Variants in DAB1 observed in about 807,000 individuals in gnomAD.
DAB1 encodes the protein DAB adaptor protein 1.
Under a neutral mutation model 64.6 loss-of-function variants are expected in DAB1, and 15 were observed. The observed-to-expected ratio is 0.23, with a 90% confidence interval of 0.16 to 0.36. The LOEUF (loss-of-function observed/expected upper bound fraction) is 0.36. DAB1 is among the 10% of genes least tolerant of loss of function. DAB1 has a pLI of 1.00. For missense variants in DAB1, 596 were observed against 706.7 expected (o/e 0.84, Z 1.78); for synonymous variants, 235 against 251.9 (o/e 0.93, Z 0.64).
At chr1:57,614,403 A>G (rs1445647783) in intron 7 of DAB1, among the ~76,000 whole-genome samples, 1 of 152,218 alleles carries the variant, frequency 6.6e-6, no homozygotes, top group African/African-American at 2.4e-5. Flanking sequence ...GCTTTTAGAA[A>G]CAGAAAGTGT....
At chr1:57,960,383 G>A (rs1645488913) in intron 5 of DAB1, among the ~76,000 whole-genome samples, 1 of 151,944 alleles carries the variant, frequency 6.6e-6, no homozygotes, top group Admixed American at 6.6e-5. Flanking sequence ...ATTCCTGTAT[G>A]TGATGGACAT....
intron 4 of DAB1, among the ~76,000 whole-genome samples, chr1:58,224,536 A>G (rs997066103): frequency 6.6e-6 from 1 of 152,202 alleles, no homozygotes; most frequent in South Asian, 2.1e-4. Context: ...GCAACTATCA[A>G]TCTCTTCCAA....
At chr1:57,324,195 A>G (rs1022064215) in intron 1 of DAB1, among the ~76,000 whole-genome samples, 5 of 152,248 alleles carry the variant, frequency 3.3e-5, no homozygotes, top group African/African-American at 1.2e-4. Context: ...GGGCTCCACC[A>G]GAGCCAGGTG....
At chr1:57,404,204 T>G (rs561482839) in intron 1 of DAB1, among the ~76,000 whole-genome samples, 12 of 152,220 alleles carry the variant, frequency 7.9e-5, no homozygotes, top group African/African-American at 2.9e-4. Flanking sequence ...ATTTAGAAAC[T>G]GTTTTTAAAG....
At chr1:58,502,144 T>C (rs938786960) in intron 3 of DAB1, among the ~76,000 whole-genome samples, 3 of 152,252 alleles carry the variant, frequency 2.0e-5, no homozygotes, top group South Asian at 2.1e-4. Context: ...ATTTTTGTGA[T>C]GATATGCAAG....
rs185359515 is a variant in DAB1 at position 57,443,186 on chromosome 1, A to G, written n.626-152020T>C. Among the ~76,000 whole-genome samples, 620 of 152,304 alleles carry G rather than the reference A, an allele frequency of 4.1e-3. 3 individuals carry two copies. The highest frequency in any genetic ancestry group is 6.8e-3 in the Middle Eastern group (2 of 294). On this transcript the variant is annotated intron_variant and non_coding_transcript_variant, in intron 7 of 20. Coordinates refer to the DAB1 transcript ENST00000485760. ...TTCCATATCTGGACTTACTCCATCA[A>G]TCACAATGCTTATGCAGTTTAGGGA...
Position 57,636,114 on chromosome 1 carries a change from C to CAAA in DAB1, n.625+13475_625+13477dup, listed in dbSNP as rs879722073. The stretch of plus-strand genomic sequence containing the variant: ...ACGGTCTCAAAAAAAAAAAAAAAAA[C>CAAA]AAAAACAAAAAACTGGTGCCCTTAT... On this transcript the variant is annotated intron_variant and non_coding_transcript_variant, in intron 7 of 20. Coordinates refer to the DAB1 transcript ENST00000485760. 8.5e-4 allele frequency among the ~76,000 whole-genome samples: 106 copies of CAAA among 124,234 alleles called. 3 individuals are homozygous for CAAA. Among genetic ancestry groups the CAAA allele is most frequent in the Non-Finnish European group, 1.4e-3 (84 of 61,332 alleles). The allele number at this position is 124,234 out of a possible 152,430, so 81.5% of individuals were successfully genotyped here.
chr1:57,738,174 T>A (rs181865884), intron 6 of DAB1, among the ~76,000 whole-genome samples: 191 of 152,354 alleles, frequency 1.3e-3, no homozygotes, highest in Non-Finnish European at 1.6e-3. Context: ...AAATGACAGT[T>A]CCTTTCTTAA....
intron 4 of DAB1, among the ~76,000 whole-genome samples, chr1:58,246,287 G>T (rs1660524891): frequency 6.6e-6 from 1 of 152,226 alleles, no homozygotes; most frequent in Non-Finnish European, 1.5e-5. Context: ...GAATGGGTAA[G>T]CCCCTGCTTT....
chr1:57,820,517 C>T (rs1160657448), intron 6 of DAB1, among the ~76,000 whole-genome samples: 1 of 152,122 alleles, frequency 6.6e-6, no homozygotes, highest in East Asian at 1.9e-4. Flanking sequence ...CATGCTGGTG[C>T]CTAACTCTAC....
chr1:57,263,197 C>T (rs1288563495), intron 2 of DAB1, among the ~76,000 whole-genome samples: 1 of 151,928 alleles, frequency 6.6e-6, no homozygotes, highest in East Asian at 1.9e-4. Context: ...CTCACTGCAT[C>T]CTCTGCCTCC....
intron 5 of DAB1, among the ~76,000 whole-genome samples, chr1:57,967,039 G>T (rs887297554): frequency 6.6e-6 from 1 of 152,148 alleles, no homozygotes; most frequent in African/African-American, 2.4e-5. Context: ...GAATGAAGGT[G>T]CACGTGTGCA....
At position 57,695,389 on chromosome 1, in the gene DAB1, A is replaced by AAAAGAAAG. The variant is rs1557427893; in HGVS notation, n.552-45725_552-45724insCTTTCTTT. ...GAAAGAAAGAAAGAAAGAAAGAAAGAAAGAAAGAAAGAAAGAAAGAAAGAA... is the reference window on the plus strand; with the variant it reads ...GAAAGAAAGAAAGAAAGAAAGAAAGAAAAGAAAGAAGAAAGAAAGAAAGAAAGAAAGAA... On this transcript the variant is annotated intron_variant and non_coding_transcript_variant, in intron 6 of 20. Transcript: ENST00000485760. 1.0e-3 allele frequency among the ~76,000 whole-genome samples: 76 copies of AAAAGAAAG among 74,552 alleles called. 1 individual carries two copies. The highest frequency in any genetic ancestry group is 1.5e-3 in the Non-Finnish European group (51 of 34,024). 48.9% of individuals were successfully genotyped at this position (74,552 alleles called of 152,430 possible).
chr1:57,987,186 C>G (rs953642367), intron 5 of DAB1, among the ~76,000 whole-genome samples: 3 of 151,942 alleles, frequency 2.0e-5, no homozygotes, highest in African/African-American at 4.8e-5. Context: ...ACAAATCAGC[C>G]CCATTTATAG....
chr1:57,580,445 G>A (rs768122102), intron 7 of DAB1, among the ~76,000 whole-genome samples: 6 of 152,064 alleles, frequency 3.9e-5, no homozygotes, highest in Non-Finnish European at 5.9e-5. Flanking sequence ...CTCCTTGGTC[G>A]TGGCTTCCTT....
At chr1:58,534,552 G>C (rs574557849) in intron 1 of DAB1, among the ~76,000 whole-genome samples, 1 of 152,230 alleles carries the variant, frequency 6.6e-6, no homozygotes, top group Non-Finnish European at 1.5e-5. Context: ...GTTTTTTTAT[G>C]AATAGATTGA....
intron 7 of DAB1, among the ~76,000 whole-genome samples, chr1:57,562,060 G>T (rs1191285736): frequency 6.6e-6 from 1 of 152,160 alleles, no homozygotes; most frequent in Non-Finnish European, 1.5e-5. Flanking sequence ...TCTGACCAAG[G>T]CACTCACTTT....
chr1:57,602,780 G>C (rs897393941), intron 7 of DAB1, among the ~76,000 whole-genome samples: 1 of 152,022 alleles, frequency 6.6e-6, no homozygotes, highest in African/African-American at 2.4e-5. Context: ...TTTGAATGCT[G>C]TGTGTGTGTG....
intron 5 of DAB1, among the ~76,000 whole-genome samples, chr1:57,911,268 C>G (rs1309470191): frequency 2.0e-5 from 3 of 152,168 alleles, no homozygotes; most frequent in Non-Finnish European, 2.9e-5. Context: ...GGCCATCTGC[C>G]TGTTTATTCT....
Sources: gnomAD v4.1 joint callset for allele counts (sites outside exome capture counted in the v4.1 genomes callset) on GRCh38, gnomAD v4.1.1 for gene constraint, MANE v1.5 for transcripts, NCBI Gene and HGNC (gene_info 2026-07-23, HGNC 2026-07-21) for gene names.